The following ZNF407 variants were observed in gnomAD, a reference collection of about 807,000 sequenced individuals.
ZNF407 encodes the protein zinc finger protein 407.
ZNF407 carries 17 observed loss-of-function variants against 131.2 expected under a neutral mutation model. That is an observed-to-expected ratio of 0.13 (90% CI 0.09 to 0.19). The LOEUF is 0.19. ZNF407 is among the 10% of genes least tolerant of loss of function. The pLI, the probability that ZNF407 is intolerant of heterozygous loss-of-function variation, is 1.00. For synonymous variants in ZNF407, 1,156 were observed against 1,062.0 expected (o/e 1.09, Z -1.72); for missense variants, 2,681 against 2,830.6 (o/e 0.95, Z 1.20).
At chr18:74,982,364 G>C (rs1972602935) in intron 8 of ZNF407, among the ~76,000 whole-genome samples, 2 of 152,122 alleles carry the variant, frequency 1.3e-5, no homozygotes, top group African/African-American at 4.8e-5. Context: ...CACCACTGTT[G>C]AATCTTTGCT....
At position 74,616,528 on chromosome 18, in the gene ZNF407, C is replaced by T. The variant is rs923101308; in HGVS notation, c.-53-14439C>T. On this transcript the variant is annotated intron_variant, in intron 1 of 8. Transcript: ENST00000299687. The stretch of plus-strand genomic sequence containing the variant: ...TGTAAGTCACATGTACAAAACCAGC[C>T]CACTCCCTCCACCCCTGTACCCGCA... Among the ~76,000 whole-genome samples the T allele has an allele frequency of 7.8e-3, 1,181 of 151,768 alleles. 17 individuals are homozygous for T. The highest frequency in any genetic ancestry group is 0.027 in the African/African-American group (1,107 of 41,304).
At chr18:74,629,022 A>G (rs1339251238) in intron 1 of ZNF407, among the ~76,000 whole-genome samples, 1 of 152,220 alleles carries the variant, frequency 6.6e-6, no homozygotes, top group African/African-American at 2.4e-5. Flanking sequence ...GCATTTGCAT[A>G]CAAGTTTTTG....
At position 74,790,083 on chromosome 18, in the gene ZNF407, A is replaced by G. The variant is rs958381202; in HGVS notation, c.4877+8581A>G. On this transcript the variant is annotated intron_variant, in intron 4 of 8. Transcript: ENST00000299687. The stretch of plus-strand genomic sequence containing the variant: ...CATTAGAGAATAAAAGGTAATATAC[A>G]TGTTAATATATGGTTAGATTAGAAC... 7.2e-5 allele frequency among the ~76,000 whole-genome samples: 11 copies of G among 152,266 alleles called. No individual in the cohort carries two copies. In the South Asian group the frequency reaches 1.5e-3, roughly 20 times the overall value.
intron 1 of ZNF407, among the ~76,000 whole-genome samples, chr18:74,610,123 TG>T (rs1982990563): frequency 1.3e-5 from 2 of 152,210 alleles, no homozygotes; most frequent in African/African-American, 4.8e-5. Flanking sequence ...GTGACTTGCT[TG>T]GGACCTGCAA....
chr18:74,786,468 C>T (rs1969713984), intron 4 of ZNF407, among the ~76,000 whole-genome samples: 1 of 151,346 alleles, frequency 6.6e-6, no homozygotes. Context: ...AATATTTTTT[C>T]TTTTTCTTTT....
chr18:74,737,490 A>G (rs952637868), intron 3 of ZNF407, among the ~76,000 whole-genome samples: 5 of 152,222 alleles, frequency 3.3e-5, no homozygotes, highest in Admixed American at 6.5e-5. Context: ...TTATCTGTAA[A>G]GATGATAAAT....
chr18:74,809,399 T>C (rs1377028770), intron 4 of ZNF407, among the ~76,000 whole-genome samples: 1 of 152,236 alleles, frequency 6.6e-6, no homozygotes, highest in East Asian at 1.9e-4. Context: ...TGCTTTCTCT[T>C]TATAGAAATA....
chr18:74,681,505 G>A (rs1244319362), intron 3 of ZNF407, among the ~76,000 whole-genome samples: 3 of 152,094 alleles, frequency 2.0e-5, no homozygotes, highest in Non-Finnish European at 4.4e-5. Flanking sequence ...GGCCTTCCAA[G>A]GTGCTGGGAT....
At chr18:75,001,883 G>A (rs1034913396) in intron 8 of ZNF407, among the ~76,000 whole-genome samples, 2 of 152,220 alleles carry the variant, frequency 1.3e-5, no homozygotes, top group African/African-American at 2.4e-5. Context: ...ATTTTGGGTT[G>A]TCCCACCTTG....
At chr18:74,998,430 T>C (rs1424084909) in intron 8 of ZNF407, among the ~76,000 whole-genome samples, 2 of 152,226 alleles carry the variant, frequency 1.3e-5, no homozygotes, top group Non-Finnish European at 2.9e-5. Flanking sequence ...TACCTGTCTG[T>C]GTTCTCCTCT....
At chr18:74,766,382 G>A (rs1285706625) in intron 3 of ZNF407, among the ~76,000 whole-genome samples, 1 of 152,170 alleles carries the variant, frequency 6.6e-6, no homozygotes, top group African/African-American at 2.4e-5. Flanking sequence ...AGTCAGAGAA[G>A]CTGATGTAGA....
chr18:75,046,630 G>A (rs1024239096), intron 8 of ZNF407, among the ~76,000 whole-genome samples: 1 of 152,170 alleles, frequency 6.6e-6, no homozygotes, highest in Non-Finnish European at 1.5e-5. Context: ...CCCCCATGGA[G>A]CCAGGTCCAT....
In ZNF407 at chr18:74,786,791, A is replaced by AGGTTT. The variant is rs1969722911; in HGVS notation, c.4877+5289_4877+5290insGGTTT. Among the ~76,000 whole-genome samples the AGGTTT allele has an allele frequency of 3.9e-5, 3 of 77,726 alleles. 1 individual carries two copies. Among genetic ancestry groups the AGGTTT allele is most frequent in the African/African-American group, 1.3e-4 (3 of 22,732 alleles). The allele number at this position is 77,726 out of a possible 152,430, so 51.0% of individuals were successfully genotyped here. A position where few individuals can be genotyped will look rare whatever the true frequency, so the allele number is the denominator to read the frequency against. On this transcript the variant is annotated intron_variant, in intron 4 of 8. Coordinates refer to ENST00000299687, the MANE Select transcript of ZNF407 (RefSeq NM_017757.3). ...TTAATTGGTTTTAATGTAAAAAAGT[A>AGGTTT]TGTTTTTTTTTTTTTTTTTTTTTTT...
intron 4 of ZNF407, among the ~76,000 whole-genome samples, chr18:74,866,987 G>GAAA (rs35418996): frequency 6.4e-4 from 40 of 62,744 alleles, no homozygotes; most frequent in African/African-American, 1.5e-3. Context: ...GTGTCTACCC[G>GAAA]AAAAAAAAAA....
chr18:74,766,467 A>G (rs1181441400), intron 3 of ZNF407, among the ~76,000 whole-genome samples: 1 of 152,136 alleles, frequency 6.6e-6, no homozygotes, highest in African/African-American at 2.4e-5. Context: ...CTATGTGGCA[A>G]TGCCTGCGCG....
intron 4 of ZNF407, among the ~76,000 whole-genome samples, chr18:74,809,845 T>G (rs1970169022): frequency 6.6e-6 from 1 of 152,212 alleles, no homozygotes; most frequent in Non-Finnish European, 1.5e-5. Context: ...GAGAGATGAC[T>G]GTAGTTAGCA....
At chr18:74,856,101 A>G (rs1193198284) in intron 4 of ZNF407, among the ~76,000 whole-genome samples, 1 of 152,234 alleles carries the variant, frequency 6.6e-6, no homozygotes, top group East Asian at 1.9e-4. Context: ...GAGGAGAAGG[A>G]AATAAAAGCA....
At position 74,635,166 on chromosome 18, in the gene ZNF407, G is replaced by A. The variant is rs1362373093; in HGVS notation, c.4147G>A (p.Gly1383Arg). The change falls in exon 2 of 9, where the codon GGA becomes AGA. Residue 1383 changes from glycine (G) to arginine (R), a missense_variant. Around this residue, in one of 6 missense-constraint regions of ZNF407, gnomAD observed 1,789 missense variants for 1,748.7 expected, o/e 1.02. Transcript: ENST00000299687. This position sits in a 1 kb window ranked among gnomAD's most constrained non-coding sequence, Gnocchi z 4.7. ...GTCTGAAGAGGGCTTGATAGCAACG[G>A]GAGTGAGAATTAGTGAGCTGCCCTT... is the stretch of plus-strand genomic sequence containing the variant. ...DQSEEGLIAT[G>R]VRISELPLKD... 6.2e-7 allele frequency: 1 copy of A among 1,613,864 alleles called. No individual in the cohort carries two copies. Among genetic ancestry groups the A allele is most frequent in the Non-Finnish European group, 8.5e-7 (1 of 1,179,888 alleles).
rs186623995 is a variant in ZNF407 at position 74,963,001 on chromosome 18, A to G, written c.5428+42309A>G. ...AGAGATTATCCTGCTCTGACAGTTA[A>G]TGCATGGTCTTCATCCCACATCAGC... On this transcript the variant is annotated intron_variant, in intron 8 of 8. Transcript: ENST00000299687. Among the ~76,000 whole-genome samples the G allele has an allele frequency of 7.1e-4, 108 of 152,350 alleles. 2 individuals carry two copies. The highest frequency in any genetic ancestry group is 2.5e-3 in the African/African-American group (105 of 41,590).
Sources: gnomAD v4.1 joint callset for allele counts (sites outside exome capture counted in the v4.1 genomes callset) on GRCh38, gnomAD v4.1.1 for gene constraint, gnomAD v4.1.1 regional missense constraint, Gnocchi (gnomAD v3.1) non-coding constraint, MANE v1.5 for transcripts, NCBI Gene and HGNC (gene_info 2026-07-23, HGNC 2026-07-21) for gene names.